The following ELOVL6 variants were observed in gnomAD, a reference collection of about 807,000 sequenced individuals.
The protein encoded by ELOVL6 is very long chain fatty acid elongase 6.
A neutral mutation model predicts 31.7 loss-of-function variants in ELOVL6; 8 were observed. The ratio of observed to expected loss-of-function variants is 0.25; its 90% CI spans 0.15 to 0.45. The LOEUF (loss-of-function observed/expected upper bound fraction) is 0.45, where lower values mean the gene tolerates loss of function less well. ELOVL6 is among the 20% of genes least tolerant of loss of function. The pLI is 1.00. For synonymous variants in ELOVL6, 101 were observed against 117.7 expected (o/e 0.86, Z 0.92); for missense variants, 126 against 326.4 (o/e 0.39, Z 4.73).
Position 110,157,613 on chromosome 4 carries a change from G to A in ELOVL6, c.89+40634C>T, listed in dbSNP as rs540099313. Among the ~76,000 whole-genome samples, 18 of 152,196 alleles carry A rather than the reference G, an allele frequency of 1.2e-4. No individual in the cohort carries two copies. In the South Asian group the frequency reaches 3.5e-3, roughly 30 times the overall value. On this transcript the variant is annotated intron_variant, in intron 1 of 3. Transcript: ENST00000302274. Reference sequence around the variant, plus strand: ...TTGAACCTGGGAGGCGGAGGTTGCAGTGAGCTGAGATAGCGCCACTGCACT... The same window carrying A: ...TTGAACCTGGGAGGCGGAGGTTGCAATGAGCTGAGATAGCGCCACTGCACT...
chr4:110,096,420 C>T (rs746978870), intron 2 of ELOVL6, among the ~76,000 whole-genome samples: 7 of 152,182 alleles, frequency 4.6e-5, no homozygotes, highest in Non-Finnish European at 8.8e-5. Flanking sequence ...ACTGGAAAGA[C>T]TGAGCTCTGG....
chr4:110,077,907 G>C (rs2126230029), intron 2 of ELOVL6, among the ~76,000 whole-genome samples: 1 of 152,326 alleles, frequency 6.6e-6, no homozygotes. Flanking sequence ...ACCTGATGGA[G>C]CTGAAAACCA....
chr4:110,116,644 T>A (rs915524728), intron 1 of ELOVL6, among the ~76,000 whole-genome samples: 5 of 152,228 alleles, frequency 3.3e-5, no homozygotes, highest in African/African-American at 1.2e-4. Context: ...TCAACACTCC[T>A]TTGCAACAAC....
chr4:110,178,211 C>T (rs112854110), intron 1 of ELOVL6, among the ~76,000 whole-genome samples: 2,568 of 152,082 alleles, frequency 0.017, 72 homozygotes, highest in African/African-American at 0.059. Flanking sequence ...AAAAGTTAGG[C>T]TACAGAAAAA....
intron 1 of ELOVL6, among the ~76,000 whole-genome samples, chr4:110,177,977 T>A (rs1027192041): frequency 6.6e-6 from 1 of 152,196 alleles, no homozygotes; most frequent in Non-Finnish European, 1.5e-5. Context: ...TGTAATACTA[T>A]TATTCAGTAT....
intron 2 of ELOVL6, among the ~76,000 whole-genome samples, chr4:110,068,412 A>G (rs569075454): frequency 1.3e-5 from 2 of 152,338 alleles, no homozygotes; most frequent in South Asian, 4.1e-4. Flanking sequence ...CTTCGTGGAC[A>G]ATATGATCCC....
chr4:110,128,733 G>T (rs1757583747), intron 1 of ELOVL6, among the ~76,000 whole-genome samples: 1 of 152,190 alleles, frequency 6.6e-6, no homozygotes, highest in Non-Finnish European at 1.5e-5. Flanking sequence ...TTCCTCATTT[G>T]TTTCGGTGCT....
At chr4:110,140,757 T>C (rs1237417887) in intron 1 of ELOVL6, among the ~76,000 whole-genome samples, 1 of 150,848 alleles carries the variant, frequency 6.6e-6, no homozygotes, top group Non-Finnish European at 1.5e-5. Context: ...GGTCATTTTT[T>C]AAATGAATAT....
rs150689332 is a variant in ELOVL6 at position 110,078,388 on chromosome 4, C to T, written c.222-18634G>A. On this transcript the variant is annotated intron_variant, in intron 2 of 3. Transcript: ENST00000302274. ...GAAGCCCATGAGACTAACAGCTGAC[C>T]TCTTGGCAGAAACTCTACAAGCCAG... 1.4e-3 allele frequency among the ~76,000 whole-genome samples: 210 copies of T among 152,300 alleles called. 4 individuals are homozygous for T. In the East Asian group the frequency reaches 0.039, roughly 28 times the overall value.
rs1439509603 is a variant in ELOVL6, at chr4:110,084,461, A to G, written c.221+21036T>C. ...ATATGATATATCGCATATATCATAT[A>G]TGATATATAACAATATACACTATAA... On this transcript the variant is annotated intron_variant, in intron 2 of 3. Coordinates refer to ENST00000302274, the MANE Select transcript of ELOVL6 (RefSeq NM_024090.3). 1.6e-4 allele frequency among the ~76,000 whole-genome samples: 22 copies of G among 134,166 alleles called. 1 individual carries two copies. The highest frequency in any genetic ancestry group is 5.6e-4 in the African/African-American group (19 of 33,946). The allele number at this position is 134,166 out of a possible 152,430, so 88.0% of individuals were successfully genotyped here. A position where few individuals can be genotyped will look rare whatever the true frequency, so the allele number is the denominator to read the frequency against.
intron 2 of ELOVL6, among the ~76,000 whole-genome samples, chr4:110,085,535 C>G (rs761015232): frequency 2.0e-5 from 3 of 152,162 alleles, no homozygotes; most frequent in African/African-American, 4.8e-5. Flanking sequence ...TTCTCATCTA[C>G]TGAACACGTC....
intron 1 of ELOVL6, chr4:110,146,452 T>G (rs1159757331): frequency 6.6e-6 from 1 of 152,614 alleles, no homozygotes; most frequent in African/African-American, 2.4e-5. Flanking sequence ...TTCACTTTCA[T>G]AAACTGCCCA....
intron 1 of ELOVL6, among the ~76,000 whole-genome samples, chr4:110,178,685 C>T (rs971854826): frequency 3.3e-5 from 5 of 152,094 alleles, no homozygotes; most frequent in African/African-American, 1.2e-4. Context: ...GAGACCTCGT[C>T]TCTACAAATA....
chr4:110,109,703 T>C (rs1240464284), intron 1 of ELOVL6, among the ~76,000 whole-genome samples: 4 of 152,238 alleles, frequency 2.6e-5, no homozygotes, highest in Admixed American at 2.0e-4. Context: ...GGGATTTCAC[T>C]GAAACCAGTG....
chr4:110,172,654 C>A (rs769880318), intron 1 of ELOVL6, among the ~76,000 whole-genome samples: 10 of 152,132 alleles, frequency 6.6e-5, no homozygotes, highest in Non-Finnish European at 1.3e-4. Context: ...AGTGAATACC[C>A]TTCTTCTTAA....
intron 2 of ELOVL6, among the ~76,000 whole-genome samples, chr4:110,094,438 T>TAAAA (rs1553957095): frequency 1.8e-4 from 10 of 55,354 alleles, no homozygotes; most frequent in East Asian, 6.1e-4. Context: ...TATATATATA[T>TAAAA]ATATAATATA....
chr4:110,059,543 A>G (rs1281110544), intron 3 of ELOVL6, 60 bp downstream of exon 3: 1 of 1,526,130 alleles, frequency 6.6e-7, no homozygotes, highest in Admixed American at 2.0e-5. Flanking sequence ...TGCTCACTAA[A>G]TAAATACTGT....
intron 1 of ELOVL6, among the ~76,000 whole-genome samples, chr4:110,194,835 A>G (rs1477536220): frequency 2.0e-5 from 3 of 152,232 alleles, no homozygotes; most frequent in African/African-American, 7.2e-5. Context: ...CCATTCTCAC[A>G]GTTCTTCAAA....
At chr4:110,146,993 GA>G (rs146310263) in intron 1 of ELOVL6, 6,488 of 147,060 alleles carry the variant, frequency 0.044, 190 homozygotes, top group East Asian at 0.14. Flanking sequence ...CTGTCTCAAA[GA>G]AAAAAAAAAG....
Sources: gnomAD v4.1 joint callset for allele counts (sites outside exome capture counted in the v4.1 genomes callset) on GRCh38, gnomAD v4.1.1 for gene constraint, MANE v1.5 for transcripts, NCBI Gene and HGNC (gene_info 2026-07-23, HGNC 2026-07-21) for gene names.